Variants in MTOR observed in about 807,000 individuals in gnomAD.
The protein encoded by MTOR is serine/threonine-protein kinase mTOR.
In MTOR, 70 loss-of-function variants were observed where a neutral mutation model predicts 319.8. The ratio of observed to expected loss-of-function variants is 0.22; its 90% CI spans 0.18 to 0.27. The LOEUF (loss-of-function observed/expected upper bound fraction) is 0.27, where lower values mean the gene tolerates loss of function less well. Ranked by LOEUF, MTOR falls within the 10% of genes least tolerant of loss-of-function variation. The probability of loss-of-function intolerance (pLI) is 1.00; values close to 1 mark genes in which losing one functional copy is unlikely to be tolerated. For missense variants in MTOR, 1,890 were observed against 3,274.4 expected (o/e 0.58, Z 10.32); for synonymous variants, 1,183 against 1,211.4 (o/e 0.98, Z 0.49).
In MTOR at chr1:11,128,269, G is replaced by C; in HGVS notation, c.5911-143C>G. The C allele has an allele frequency of 7.4e-7, 1 of 1,347,634 alleles. No individual in the cohort carries two copies. The highest frequency in any genetic ancestry group is 1.4e-5 in the South Asian group (1 of 72,784). 83.5% of individuals were successfully genotyped at this position (1,347,634 alleles called of 1,614,324 possible). ...ACTACCAGGAAGGGGCTCAGTCTTCGAGGGAACGCTTTCTTTTTAGCAAGG... is the reference window on the plus strand; with the variant it reads ...ACTACCAGGAAGGGGCTCAGTCTTCCAGGGAACGCTTTCTTTTTAGCAAGG... On this transcript the variant is annotated intron_variant, in intron 42 of 57. Transcript: ENST00000361445. The surrounding 1 kb of genome is among the most constrained non-coding windows in gnomAD (Gnocchi z 5.3).
At chr1:11,207,601 T>G (rs1176860543) in intron 25 of MTOR, among the ~76,000 whole-genome samples, 1 of 143,422 alleles carries the variant, frequency 7.0e-6, no homozygotes, top group Non-Finnish European at 1.5e-5. Context: ...CAATTCCTTT[T>G]TTTTTTTTTT....
rs1246896088 is a variant in MTOR at position 11,253,979 on chromosome 1, T to C, written c.706-6A>G. 1 of 1,614,138 alleles carries C rather than the reference T, an allele frequency of 6.2e-7. No homozygotes were observed. Among genetic ancestry groups the C allele is most frequent in the South Asian group, 1.1e-5 (1 of 91,082 alleles). ...TCTGCTTCTTCAAATGTGTGCTATG[T>C]AGAGAGACAGGGTGCCTTCATTAGA... On this transcript the variant is annotated splice_polypyrimidine_tract_variant and splice_region_variant and intron_variant, in intron 5 of 57. Transcript: ENST00000361445.
At chr1:11,247,031 C>T (rs1379140803) in intron 8 of MTOR, among the ~76,000 whole-genome samples, 1 of 152,160 alleles carries the variant, frequency 6.6e-6, no homozygotes, top group African/African-American at 2.4e-5. Context: ...CCAGGTAGGT[C>T]AAATAATCTG....
intron 29 of MTOR, among the ~76,000 whole-genome samples, chr1:11,162,587 T>G (rs967519298): frequency 6.6e-5 from 10 of 152,222 alleles, no homozygotes; most frequent in African/African-American, 2.4e-4. Flanking sequence ...GCGGATCTCT[T>G]GGCAGAAACT....
chr1:11,151,706 A>T (rs1203030675), intron 30 of MTOR, among the ~76,000 whole-genome samples: 1 of 152,204 alleles, frequency 6.6e-6, no homozygotes, highest in African/African-American at 2.4e-5. Context: ...TGCACAGCAT[A>T]TTTTTGTAGG....
intron 8 of MTOR, among the ~76,000 whole-genome samples, chr1:11,246,962 C>T (rs1162929448): frequency 1.3e-5 from 2 of 152,186 alleles, no homozygotes; most frequent in Non-Finnish European, 2.9e-5. Flanking sequence ...GACATTAATG[C>T]TGCTCATCTT....
chr1:11,212,828 A>G lies in MTOR; in HGVS notation c.3366T>C (p.Phe1122=). 6.2e-7 allele frequency: 1 copy of G among 1,614,164 alleles called. No homozygotes were observed. The highest frequency in any genetic ancestry group is 8.5e-7 in the Non-Finnish European group (1 of 1,180,008). ...ATGGCAGTGGAGCTTCAGGGGCATCAAACAACTTAACAATAGGAGGCAGCA... is the reference window on the plus strand; with the variant it reads ...ATGGCAGTGGAGCTTCAGGGGCATCGAACAACTTAACAATAGGAGGCAGCA... The part of the protein sequence containing the change: ...HLLLPPIVKL[F]DAPEAPLPSR... The change falls in exon 22 of 58, where the codon TTT becomes TTC. Residue 1122 remains phenylalanine, a synonymous_variant. Transcript: ENST00000361445. This position sits in a 1 kb window ranked among gnomAD's most constrained non-coding sequence, Gnocchi z 4.1.
At chr1:11,192,757 A>G (rs1645594172) in intron 28 of MTOR, among the ~76,000 whole-genome samples, 2 of 151,640 alleles carry the variant, frequency 1.3e-5, no homozygotes, top group Admixed American at 6.6e-5. Flanking sequence ...TTAAAAAAAA[A>G]AAAAAAAAAA....
chr1:11,231,984 C>T (rs1013180156), intron 16 of MTOR, among the ~76,000 whole-genome samples: 1 of 152,076 alleles, frequency 6.6e-6, no homozygotes, highest in African/African-American at 2.4e-5. Context: ...TCCCAAAGTG[C>T]TAGGATTACA....
At position 11,258,665 on chromosome 1, in the gene MTOR, C is replaced by A; in HGVS notation, c.163-72G>T. On this transcript the variant is annotated intron_variant, in intron 2 of 57. Transcript: ENST00000361445. ...TGTGGTGGTGGGAGTGGGCTGGCAT[C>A]TAAAGATTAGATCCTGAGAGGCAGG... 4 of 1,161,396 alleles carry A rather than the reference C, an allele frequency of 3.4e-6. No homozygotes were observed. The South Asian group carries it at 5.3e-5, about 15-fold the overall frequency. 71.9% of individuals were successfully genotyped at this position (1,161,396 alleles called of 1,614,324 possible).
intron 24 of MTOR, among the ~76,000 whole-genome samples, chr1:11,209,916 G>A (rs1218545752): frequency 6.6e-6 from 1 of 152,136 alleles, no homozygotes; most frequent in Non-Finnish European, 1.5e-5. Context: ...CTCTCAGGCT[G>A]GAGTGCAGTA....
At chr1:11,259,168 G>A in intron 2 of MTOR, 80 bp downstream of exon 2, 3 of 1,539,382 alleles carry the variant, frequency 1.9e-6, no homozygotes, top group Non-Finnish European at 2.6e-6. Context: ...TCACTTAGCT[G>A]TACAAAAAAA....
chr1:11,192,153 T>C, intron 28 of MTOR: 1 of 774,148 alleles, frequency 1.3e-6, no homozygotes, highest in Admixed American at 2.1e-5. Context: ...CAGACACTGA[T>C]GGGTAATTAA....
chr1:11,189,913 A>G, intron 28 of MTOR: 9 of 1,613,822 alleles, frequency 5.6e-6, no homozygotes, highest in Non-Finnish European at 7.6e-6. Flanking sequence ...AATTGACATC[A>G]TGCAGCTGCA....
chr1:11,126,743 G>A lies in MTOR; in HGVS notation c.6405C>T (p.Asp2135=), dbSNP rs2100397355. Residue 2135 remains aspartate (D), a synonymous_variant, in exon 46 of 58, where the codon GAC becomes GAT. Coordinates refer to ENST00000361445, the MANE Select transcript of MTOR (RefSeq NM_004958.4). ...YVSPKLLMCR[D]LELAVPGTYD... is the part of the protein sequence containing the mutation. ...ATGTTCCTGGCACAGCCAATTCAAG[G>A]TCCCGGCACATCAGAAGTTTTGGGG... The A allele has an allele frequency of 6.2e-7, 1 of 1,614,076 alleles. No individual in the cohort carries two copies. Among genetic ancestry groups the A allele is most frequent in the Admixed American group, 1.7e-5 (1 of 60,002 alleles).
chr1:11,156,804 G>GC (rs1644332775), intron 30 of MTOR, among the ~76,000 whole-genome samples: 1 of 152,150 alleles, frequency 6.6e-6, no homozygotes. Context: ...AAAAACATCT[G>GC]CAAGAGCTAA....
At chr1:11,192,307 C>A (rs746929883) in intron 28 of MTOR, 1 of 1,614,094 alleles carries the variant, frequency 6.2e-7, no homozygotes, top group African/African-American at 1.3e-5. Flanking sequence ...ACCAGAAGAA[C>A]TACCGCATCT....
chr1:11,245,154 T>A (rs1648649722), intron 8 of MTOR, among the ~76,000 whole-genome samples: 1 of 152,230 alleles, frequency 6.6e-6, no homozygotes, highest in Non-Finnish European at 1.5e-5. Context: ...TATATTTTCA[T>A]TAGGTTCACA....
chr1:11,254,078 G>C (rs1650047315), intron 5 of MTOR, 105 bp from the exon 6 acceptor site: 4 of 1,299,950 alleles, frequency 3.1e-6, no homozygotes, highest in Non-Finnish European at 3.3e-6. Flanking sequence ...TACCACGCCT[G>C]CTCAGTGCCT....
Sources: gnomAD v4.1 joint callset for allele counts (sites outside exome capture counted in the v4.1 genomes callset) on GRCh38, gnomAD v4.1.1 for gene constraint, Gnocchi (gnomAD v3.1) non-coding constraint, MANE v1.5 for transcripts, NCBI Gene and HGNC (gene_info 2026-07-23, HGNC 2026-07-21) for gene names.